MYLK4: variants seen among roughly 807,000 people sequenced by gnomAD.
The protein encoded by MYLK4 is myosin light chain kinase family member 4.
Under a neutral mutation model 48.1 loss-of-function variants are expected in MYLK4, and 46 were observed. The observed-to-expected ratio is 0.96, with a 90% CI of 0.75 to 1.22. MYLK4 has a LOEUF of 1.22. Ranked by LOEUF, MYLK4 falls within the 50% of genes most tolerant of loss-of-function variation. MYLK4 has a pLI of 0.00. For synonymous variants in MYLK4, 170 were observed against 180.8 expected (o/e 0.94, Z 0.48); for missense variants, 451 against 486.1 (o/e 0.93, Z 0.68).
rs1760883807 is a variant in MYLK4 at position 2,671,282 on chromosome 6, A to AC, written c.*18_*19insG. The stretch of plus-strand genomic sequence containing the variant: ...CAGGAGACCCAAGACTAACCTTCCA[A>AC]ATGGCTGCCTCCTGTAGACTATTTG... On this transcript the variant is annotated 3_prime_UTR_variant, in exon 12 of 13. Transcript: ENST00000274643. 1 of 1,612,816 alleles carries AC rather than the reference A, an allele frequency of 6.2e-7. No homozygotes were observed. The highest frequency in any genetic ancestry group is 8.5e-7 in the Non-Finnish European group (1 of 1,179,130).
intron 2 of MYLK4, among the ~76,000 whole-genome samples, chr6:2,698,756 ATTGT>A (rs1762164852): frequency 6.6e-6 from 1 of 152,218 alleles, no homozygotes; most frequent in Admixed American, 6.5e-5. Context: ...ACTTCTAGAG[ATTGT>A]TTGTAAAGCA....
At position 2,673,696 on chromosome 6, in the gene MYLK4, G is replaced by A. The variant is rs1335652116; in HGVS notation, c.1119+1351C>T. On this transcript the variant is annotated intron_variant, in intron 11 of 12. Transcript: ENST00000274643. This position sits in a 1 kb window ranked among gnomAD's most constrained non-coding sequence, Gnocchi z 4.2. ...CCTAGATGTTCAGTAAAGTTACTTG[G>A]GCATTACACATCTGTTTCTGTGTTA... 1.3e-5 allele frequency among the ~76,000 whole-genome samples: 2 copies of A among 152,126 alleles called. No individual in the cohort carries two copies. Among genetic ancestry groups the A allele is most frequent in the East Asian group, 1.9e-4 (1 of 5,198 alleles).
intron 2 of MYLK4, among the ~76,000 whole-genome samples, chr6:2,739,797 T>C (rs1317225513): frequency 6.6e-6 from 1 of 152,238 alleles, no homozygotes; most frequent in Non-Finnish European, 1.5e-5. Flanking sequence ...AGAAATGTAC[T>C]GATAGCAGTA....
At chr6:2,738,329 C>T (rs1026495469) in intron 2 of MYLK4, among the ~76,000 whole-genome samples, 4 of 152,210 alleles carry the variant, frequency 2.6e-5, no homozygotes, top group African/African-American at 9.6e-5. Context: ...TAGGAAACAT[C>T]TTAATACATT....
intron 2 of MYLK4, among the ~76,000 whole-genome samples, chr6:2,732,131 T>C (rs1432046971): frequency 6.6e-6 from 1 of 152,246 alleles, no homozygotes; most frequent in East Asian, 1.9e-4. Flanking sequence ...CCTTGTTTTC[T>C]TCCTGATTCA....
intron 2 of MYLK4, among the ~76,000 whole-genome samples, chr6:2,697,825 T>C (rs1440029005): frequency 1.3e-5 from 2 of 152,230 alleles, no homozygotes; most frequent in East Asian, 3.8e-4. Flanking sequence ...GACCCTTCTC[T>C]TCCCCTTCGT....
chr6:2,741,982 A>T (rs1763913953), intron 2 of MYLK4, among the ~76,000 whole-genome samples: 1 of 152,224 alleles, frequency 6.6e-6, no homozygotes, highest in Non-Finnish European at 1.5e-5. Flanking sequence ...TAAACAGCGA[A>T]AAATGATTAA....
At chr6:2,743,250 T>G (rs577504752) in intron 2 of MYLK4, among the ~76,000 whole-genome samples, 206 of 152,306 alleles carry the variant, frequency 1.4e-3, no homozygotes, top group African/African-American at 4.7e-3. Flanking sequence ...CTTTCTAAAC[T>G]GTTGTATATT....
chr6:2,706,648 G>T (rs1484915586), intron 2 of MYLK4, among the ~76,000 whole-genome samples: 1 of 152,160 alleles, frequency 6.6e-6, no homozygotes, highest in Non-Finnish European at 1.5e-5. Context: ...GCCAGGAGGG[G>T]CTGGCTTACT....
the MYLK4 span, among the ~76,000 whole-genome samples, chr6:2,764,068 G>T: frequency 6.6e-6 from 1 of 152,226 alleles, no homozygotes; most frequent in Non-Finnish European, 1.5e-5. Flanking sequence ...GGAGGCGGAG[G>T]TTGCCGTGAG....
At position 2,683,129 on chromosome 6, in the gene MYLK4, G is replaced by A. The variant is rs371026216; in HGVS notation, c.579C>T (p.Ile193=). 6.2e-6 allele frequency: 10 copies of A among 1,614,090 alleles called. No individual in the cohort carries two copies. Among genetic ancestry groups the A allele is most frequent in the African/African-American group, 1.3e-5 (1 of 75,012 alleles). The change falls in exon 7 of 13, where the codon ATC becomes ATT. Residue 193 remains isoleucine, a synonymous_variant. Transcript: ENST00000274643. ...VDGGELFDRI[I]DESYNLTELD... is the part of the protein sequence containing the mutation. ...GCTCCGTCAAATTGTAGCTCTCATCGATGATGCGGTCAAACAGCTCCCCAC... is the reference window on the plus strand; with the variant it reads ...GCTCCGTCAAATTGTAGCTCTCATCAATGATGCGGTCAAACAGCTCCCCAC...
At chr6:2,734,734 C>A (rs1043075028) in intron 2 of MYLK4, among the ~76,000 whole-genome samples, 1 of 152,084 alleles carries the variant, frequency 6.6e-6, no homozygotes, top group African/African-American at 2.4e-5. Flanking sequence ...TTCACAACTG[C>A]AGTAGTATGT....
chr6:2,684,302 C>T (rs1052673195), intron 6 of MYLK4, among the ~76,000 whole-genome samples: 2 of 152,038 alleles, frequency 1.3e-5, no homozygotes, highest in African/African-American at 2.4e-5. Flanking sequence ...CCGAGCGGGA[C>T]GGTGGGAGAT....
chr6:2,687,598 A>C (rs1250240072), intron 4 of MYLK4, among the ~76,000 whole-genome samples: 1 of 152,200 alleles, frequency 6.6e-6, no homozygotes, highest in African/African-American at 2.4e-5. Context: ...TCAGGCTTCC[A>C]TGGAGCCAGT....
intron 6 of MYLK4, among the ~76,000 whole-genome samples, chr6:2,683,809 A>G (rs936493943): frequency 6.6e-6 from 1 of 151,666 alleles, no homozygotes; most frequent in African/African-American, 2.4e-5. Flanking sequence ...GATCCTAAGA[A>G]CTCCAGGAGG....
intron 2 of MYLK4, among the ~76,000 whole-genome samples, chr6:2,727,572 C>G (rs1302683136): frequency 6.6e-6 from 1 of 152,120 alleles, no homozygotes; most frequent in Non-Finnish European, 1.5e-5. Flanking sequence ...TGCATCTGGA[C>G]AGAAGGATCA....
At chr6:2,714,404 C>T (rs1315180715) in intron 2 of MYLK4, among the ~76,000 whole-genome samples, 1 of 152,208 alleles carries the variant, frequency 6.6e-6, no homozygotes, top group Non-Finnish European at 1.5e-5. Context: ...AGTGTAAATA[C>T]AGTTGCCAAT....
At chr6:2,729,607 T>G (rs1763406505) in intron 2 of MYLK4, among the ~76,000 whole-genome samples, 1 of 152,204 alleles carries the variant, frequency 6.6e-6, no homozygotes, top group Admixed American at 6.5e-5. Context: ...CAAGGAGTGT[T>G]TCTCTTCTGC....
chr6:2,723,844 C>T (rs1341642592), intron 2 of MYLK4, among the ~76,000 whole-genome samples: 10 of 151,988 alleles, frequency 6.6e-5, no homozygotes, highest in African/African-American at 1.4e-4. Flanking sequence ...CCCTTCACAA[C>T]GGCTTTGGTG....
Sources: gnomAD v4.1 joint callset for allele counts (sites outside exome capture counted in the v4.1 genomes callset) on GRCh38, gnomAD v4.1.1 for gene constraint, Gnocchi (gnomAD v3.1) non-coding constraint, MANE v1.5 for transcripts, NCBI Gene and HGNC (gene_info 2026-07-23, HGNC 2026-07-21) for gene names.